The following NAALADL2 variants were observed in gnomAD, a reference collection of about 807,000 sequenced individuals.
NAALADL2 encodes the protein inactive N-acetylated-alpha-linked acidic dipeptidase-like protein 2.
A neutral mutation model predicts 87.2 loss-of-function variants in NAALADL2; 76 were observed. The observed-to-expected ratio is 0.87, with a 90% CI of 0.72 to 1.05. The LOEUF (loss-of-function observed/expected upper bound fraction) is 1.05. Among genes scored for constraint, NAALADL2 ranks in the 50% least tolerant of loss-of-function variants. NAALADL2 has a pLI of 0.00. For synonymous variants in NAALADL2, 354 were observed against 331.0 expected, an observed-to-expected ratio of 1.07 and a Z score of -0.75; for missense variants, 1,089 against 945.8, an observed-to-expected ratio of 1.15 and a Z score of -1.99.
In NAALADL2 at chr3:175,478,569, T is replaced by C. The variant is rs886712753; in HGVS notation, c.1653+6811T>C. Among the ~76,000 whole-genome samples, 30 of 151,966 alleles carry C rather than the reference T, an allele frequency of 2.0e-4. 1 individual carries two copies. The highest frequency in any genetic ancestry group is 3.1e-4 in the Non-Finnish European group (21 of 67,880). On this transcript the variant is annotated intron_variant, in intron 9 of 13. Coordinates refer to ENST00000454872, the MANE Select transcript of NAALADL2 (RefSeq NM_207015.3). ...GCAGCTGATTTATATATTAGGACTATGTAACCAAAAAGAAATCCAAACAAT... is the reference window on the plus strand; with the variant it reads ...GCAGCTGATTTATATATTAGGACTACGTAACCAAAAAGAAATCCAAACAAT...
At chr3:174,792,530 C>T (rs567543246) in intron 3 of NAALADL2, among the ~76,000 whole-genome samples, 91 of 152,222 alleles carry the variant, frequency 6.0e-4, no homozygotes, top group African/African-American at 2.1e-3. Flanking sequence ...GCTGTGGCAT[C>T]AATTCTTCTT....
At chr3:175,591,860 A>G (rs1202788107) in intron 10 of NAALADL2, among the ~76,000 whole-genome samples, 1 of 150,142 alleles carries the variant, frequency 6.7e-6, no homozygotes, top group Non-Finnish European at 1.5e-5. Context: ...TAACATTGTC[A>G]TAGATTCCTG....
intron 4 of NAALADL2, among the ~76,000 whole-genome samples, chr3:175,290,610 A>G (rs778257662): frequency 6.6e-6 from 1 of 152,210 alleles, no homozygotes; most frequent in Admixed American, 6.5e-5. Context: ...TGAAAATTAT[A>G]TCTTAACCCA....
intron 1 of NAALADL2, among the ~76,000 whole-genome samples, chr3:175,010,095 A>T (rs1009685475): frequency 1.3e-4 from 19 of 152,000 alleles, no homozygotes; most frequent in African/African-American, 3.6e-4. Context: ...TGTGGGGTGG[A>T]TCTTGATTAA....
At chr3:175,766,956 A>C (rs1748777862) in intron 13 of NAALADL2, among the ~76,000 whole-genome samples, 1 of 152,172 alleles carries the variant, frequency 6.6e-6, no homozygotes, top group Non-Finnish European at 1.5e-5. Context: ...GATGAAACAC[A>C]AGGAAAGGAC....
chr3:175,120,841 G>C (rs564678580), intron 2 of NAALADL2, among the ~76,000 whole-genome samples: 1 of 151,748 alleles, frequency 6.6e-6, no homozygotes, highest in Non-Finnish European at 1.5e-5. Flanking sequence ...TGTTATATAG[G>C]TATAATCTTA....
At chr3:175,634,681 G>C (rs147423175) in intron 11 of NAALADL2, among the ~76,000 whole-genome samples, 1 of 151,836 alleles carries the variant, frequency 6.6e-6, no homozygotes, top group Admixed American at 6.6e-5. Flanking sequence ...TGTCTTCTAG[G>C]TATCTCTAAT....
intron 5 of NAALADL2, among the ~76,000 whole-genome samples, chr3:175,416,098 G>A (rs1714589260): frequency 6.6e-6 from 1 of 151,364 alleles, no homozygotes; most frequent in African/African-American, 2.4e-5. Context: ...CTCCAGTCTG[G>A]GCAACAGAGC....
At chr3:175,339,098 C>G (rs570680847) in intron 5 of NAALADL2, among the ~76,000 whole-genome samples, 1 of 152,320 alleles carries the variant, frequency 6.6e-6, no homozygotes, top group South Asian at 2.1e-4. Context: ...GCACACTGTG[C>G]TGGCACGCAG....
At chr3:175,423,298 G>T (rs1716174243) in intron 5 of NAALADL2, among the ~76,000 whole-genome samples, 1 of 148,722 alleles carries the variant, frequency 6.7e-6, no homozygotes, top group Non-Finnish European at 1.5e-5. Flanking sequence ...TAAGTTTTAG[G>T]GTACAAGTGC....
intron 2 of NAALADL2, among the ~76,000 whole-genome samples, chr3:175,189,729 G>A (rs549151114): frequency 3.9e-5 from 6 of 152,090 alleles, no homozygotes; most frequent in South Asian, 2.1e-4. Flanking sequence ...TCGAATTCAC[G>A]TGGAACCATA....
intron 5 of NAALADL2, among the ~76,000 whole-genome samples, chr3:175,442,607 A>T (rs927485976): frequency 6.6e-6 from 1 of 152,206 alleles, no homozygotes; most frequent in African/African-American, 2.4e-5. Flanking sequence ...CAGTGAGTCA[A>T]TGATGGAGTC....
intron 2 of NAALADL2, among the ~76,000 whole-genome samples, chr3:175,135,763 G>C (rs1481777391): frequency 2.6e-5 from 4 of 152,116 alleles, no homozygotes; most frequent in Non-Finnish European, 5.9e-5. Context: ...CAGGTGTCTT[G>C]ATAAGAAATC....
At position 175,803,864 on chromosome 3, in the gene NAALADL2, AT is replaced by A. The variant is rs1215876166; in HGVS notation, c.*668del. On this transcript the variant is annotated 3_prime_UTR_variant, in exon 14 of 14. Coordinates refer to ENST00000454872, the MANE Select transcript of NAALADL2 (RefSeq NM_207015.3). Reference sequence around the variant, plus strand: ...GCTACATAGAGCAATTTAAATGCAAATTTTTTTCCTAACAACTTACAAGGTG... The same window carrying A: ...GCTACATAGAGCAATTTAAATGCAAATTTTTTCCTAACAACTTACAAGGTG... 1 of 145,816 alleles carries A rather than the reference AT, an allele frequency of 6.9e-6. No individual in the cohort carries two copies. The highest frequency in any genetic ancestry group is 2.4e-5 in the African/African-American group (1 of 40,948). 9.0% of individuals were successfully genotyped at this position (145,816 alleles called of 1,614,324 possible). A position where few individuals can be genotyped will look rare whatever the true frequency, so the allele number is the denominator to read the frequency against.
intron 1 of NAALADL2, among the ~76,000 whole-genome samples, chr3:175,024,199 T>C (rs547327337): frequency 5.7e-4 from 86 of 152,204 alleles, no homozygotes; most frequent in African/African-American, 1.9e-3. Context: ...ATTATATTTA[T>C]GTAATTATGT....
At chr3:175,186,532 ATTG>A (rs1249432727) in intron 2 of NAALADL2, among the ~76,000 whole-genome samples, 1 of 152,186 alleles carries the variant, frequency 6.6e-6, no homozygotes, top group African/African-American at 2.4e-5. Flanking sequence ...GCGACTATCC[ATTG>A]TTGTAAAATT....
At chr3:174,878,717 G>C (rs1233565927) in intron 1 of NAALADL2, among the ~76,000 whole-genome samples, 1 of 151,766 alleles carries the variant, frequency 6.6e-6, no homozygotes, top group Non-Finnish European at 1.5e-5. Flanking sequence ...GGTTAATTCT[G>C]GTTTCCTATA....
intron 2 of NAALADL2, among the ~76,000 whole-genome samples, chr3:174,616,135 G>A (rs897235386): frequency 2.0e-5 from 3 of 151,868 alleles, no homozygotes; most frequent in African/African-American, 4.8e-5. Flanking sequence ...TTTTAGAGTG[G>A]TCACAGGGTC....
At chr3:175,122,297 G>T (rs1211190400) in intron 2 of NAALADL2, among the ~76,000 whole-genome samples, 1 of 151,800 alleles carries the variant, frequency 6.6e-6, no homozygotes, top group African/African-American at 2.4e-5. Flanking sequence ...TTATGCACTG[G>T]AAAAGTTTTA....
Sources: gnomAD v4.1 joint callset for allele counts (sites outside exome capture counted in the v4.1 genomes callset) on GRCh38, gnomAD v4.1.1 for gene constraint, MANE v1.5 for transcripts, NCBI Gene and HGNC (gene_info 2026-07-23, HGNC 2026-07-21) for gene names.